The following TPX2 variants were observed in gnomAD, a reference collection of about 807,000 sequenced individuals.
TPX2 encodes TPX2 microtubule nucleation factor, also known as targeting protein for Xklp2.
Under a neutral mutation model 93.6 loss-of-function variants are expected in TPX2, and 21 were observed. That is an observed-to-expected ratio of 0.22 (90% CI 0.16 to 0.32). TPX2 has a LOEUF of 0.32. TPX2 is among the 10% of genes least tolerant of loss of function. TPX2 has a pLI of 1.00. For synonymous variants in TPX2, 281 were observed against 298.3 expected (o/e 0.94, Z 0.60); for missense variants, 776 against 871.1 (o/e 0.89, Z 1.37).
chr20:31,760,117 A>G lies in TPX2; in HGVS notation c.167A>G (p.Gln56Arg). 1 of 1,613,922 alleles carries G rather than the reference A, an allele frequency of 6.2e-7. No homozygotes were observed. The highest frequency in any genetic ancestry group is 8.5e-7 in the Non-Finnish European group (1 of 1,179,940). The change falls in exon 4 of 18, where the codon CAG becomes CGG. Residue 56 changes from glutamine to arginine, a missense_variant. Coordinates refer to ENST00000300403, the MANE Select transcript of TPX2 (RefSeq NM_012112.5). The stretch of plus-strand genomic sequence containing the variant: ...AAGAATGGAACTGGAGGGCTTTTTC[A>G]GGGCAAAACTCCTTTGAGAAAGGCT... Reference protein sequence around the residue: ...LGKNGTGGLFQGKTPLRKANL... With the variant: ...LGKNGTGGLFRGKTPLRKANL...
intron 2 of TPX2, among the ~76,000 whole-genome samples, chr20:31,750,668 A>G (rs1020611279): frequency 2.0e-5 from 3 of 152,108 alleles, no homozygotes; most frequent in Non-Finnish European, 1.5e-5. Flanking sequence ...GGGTTTCACC[A>G]TGTTGGCCAG....
At position 31,794,143 on chromosome 20, in the gene TPX2, C is replaced by T. The variant is rs1374709391; in HGVS notation, c.1686+119C>T. ...ACTTCTTTTGATCTTTCTAAGAACC[C>T]TATAAAATATAAATGGGACAAGTAA... On this transcript the variant is annotated intron_variant, in intron 14 of 17. Transcript: ENST00000300403. The T allele has an allele frequency of 1.4e-5, 16 of 1,184,144 alleles. No individual in the cohort carries two copies. The East Asian group carries it at 3.8e-4, about 28-fold the overall frequency. The allele number at this position is 1,184,144 out of a possible 1,614,324, so 73.4% of individuals were successfully genotyped here. A position where few individuals can be genotyped will look rare whatever the true frequency, so the allele number is the denominator to read the frequency against.
chr20:31,781,840 G>A (rs936204618), intron 10 of TPX2, among the ~76,000 whole-genome samples: 1 of 151,982 alleles, frequency 6.6e-6, no homozygotes, highest in East Asian at 2.0e-4. Flanking sequence ...CTGCTTGGGA[G>A]GCTGAGGTGG....
chr20:31,794,527 G>C lies in TPX2; in HGVS notation c.1812G>C (p.Lys604Asn). Residue 604 changes from lysine (K) to asparagine (N), a missense_variant, in exon 15 of 18, where the codon AAG (lysine) becomes AAC (asparagine). Around this residue, in one of 3 missense-constraint regions of TPX2, gnomAD observed 461 missense variants for 551.2 expected, o/e 0.84. Coordinates refer to ENST00000300403, the MANE Select transcript of TPX2 (RefSeq NM_012112.5). ...CLETDRRGAL[K>N]AQTWKHQLEE... Reference sequence around the variant, plus strand: ...AGACTGACAGAAGAGGTGCTCTGAAGGCACAGACTTGGAAGCACCAGGTAG... The same window carrying C: ...AGACTGACAGAAGAGGTGCTCTGAACGCACAGACTTGGAAGCACCAGGTAG... 6.2e-7 allele frequency: 1 copy of C among 1,613,972 alleles called. No homozygotes were observed. Among genetic ancestry groups the C allele is most frequent in the East Asian group, 2.2e-5 (1 of 44,866 alleles).
intron 11 of TPX2, 42 bp from the exon 12 acceptor site, chr20:31,783,663 A>G: frequency 6.4e-7 from 1 of 1,564,790 alleles, no homozygotes; most frequent in Non-Finnish European, 8.6e-7. Context: ...TTTTCATTTT[A>G]TTAAAATTTT....
At chr20:31,761,039 A>G (rs1181915080) in intron 4 of TPX2, among the ~76,000 whole-genome samples, 1 of 152,190 alleles carries the variant, frequency 6.6e-6, no homozygotes, top group Non-Finnish European at 1.5e-5. Flanking sequence ...CACTTAAGAT[A>G]AACATTTCAG....
rs537128205 is a variant in TPX2, at chr20:31,741,503, G to A, written c.-177-1038G>A. 1.1e-4 allele frequency among the ~76,000 whole-genome samples: 16 copies of A among 151,628 alleles called. No individual in the cohort carries two copies. The East Asian group carries it at 1.2e-3, about 11-fold the overall frequency. On this transcript the variant is annotated intron_variant, in intron 1 of 17. Coordinates refer to ENST00000300403, the MANE Select transcript of TPX2 (RefSeq NM_012112.5). ...ATTTTTGTATTTTTTTTTTGAGATG[G>A]CATCTCACTTTGTTACCTAGGCTGG...
rs764125026 is a variant in TPX2 at position 31,800,952 on chromosome 20, CT to C, written c.2134-14del. 2 of 1,604,420 alleles carry C rather than the reference CT, an allele frequency of 1.2e-6. No homozygotes were observed. Among genetic ancestry groups the C allele is most frequent in the South Asian group, 2.2e-5 (2 of 90,776 alleles). ...TCTCTGACATCCCTCTCACTGGTAA[CT>C]TTTCCTTACTTTGCAGGTGCATAAG... On this transcript the variant is annotated splice_polypyrimidine_tract_variant and intron_variant, in intron 17 of 17. Coordinates refer to ENST00000300403, the MANE Select transcript of TPX2 (RefSeq NM_012112.5).
intron 2 of TPX2, among the ~76,000 whole-genome samples, chr20:31,750,896 TTTG>T (rs540926106): frequency 5.9e-5 from 9 of 152,016 alleles, no homozygotes; most frequent in South Asian, 2.1e-4. Flanking sequence ...GCTTAACTAT[TTTG>T]TTGTTGTTGT....
At chr20:31,746,669 C>A (rs537395289) in intron 2 of TPX2, among the ~76,000 whole-genome samples, 1 of 152,310 alleles carries the variant, frequency 6.6e-6, no homozygotes, top group Non-Finnish European at 1.5e-5. Context: ...TCCCCTATTT[C>A]ACCCTGCTTA....
At chr20:31,751,375 T>C (rs2061818578) in intron 2 of TPX2, among the ~76,000 whole-genome samples, 1 of 152,052 alleles carries the variant, frequency 6.6e-6, no homozygotes, top group African/African-American at 2.4e-5. Flanking sequence ...ATTAAGATCA[T>C]GGGAATCCAA....
intron 5 of TPX2, among the ~76,000 whole-genome samples, chr20:31,768,899 C>G (rs1044695703): frequency 6.6e-6 from 1 of 152,138 alleles, no homozygotes; most frequent in Non-Finnish European, 1.5e-5. Context: ...ACCCAGCAAT[C>G]TTATTTTTTT....
At chr20:31,746,359 G>C (rs769827035) in intron 2 of TPX2, among the ~76,000 whole-genome samples, 48 of 152,142 alleles carry the variant, frequency 3.2e-4, no homozygotes, top group Non-Finnish European at 2.9e-5. Context: ...TTTTCTCTCT[G>C]GGTAAGATGA....
At chr20:31,782,224 G>C in intron 10 of TPX2, 25 bp from the exon 11 acceptor site, 1 of 1,590,640 alleles carries the variant, frequency 6.3e-7, no homozygotes, top group Admixed American at 1.8e-5. Flanking sequence ...GGATCTAGAT[G>C]AACATCTGTC....
At chr20:31,798,313 G>A in intron 16 of TPX2, 52 bp from the exon 17 acceptor site, 1 of 1,611,306 alleles carries the variant, frequency 6.2e-7, no homozygotes, top group Non-Finnish European at 8.5e-7. Flanking sequence ...GGGGGCGTAG[G>A]TTTATGCAAG....
At chr20:31,796,771 A>G (rs886963841) in intron 15 of TPX2, among the ~76,000 whole-genome samples, 2 of 151,606 alleles carry the variant, frequency 1.3e-5, no homozygotes, top group Non-Finnish European at 2.9e-5. Flanking sequence ...CTAATGAATC[A>G]TGTGTGAAGG....
intron 4 of TPX2, among the ~76,000 whole-genome samples, chr20:31,763,017 A>G (rs1313458967): frequency 6.6e-6 from 1 of 152,176 alleles, no homozygotes; most frequent in East Asian, 1.9e-4. Flanking sequence ...TCTCTATCCT[A>G]TTCCATTTGT....
intron 2 of TPX2, among the ~76,000 whole-genome samples, chr20:31,745,450 C>T (rs2061778289): frequency 6.6e-6 from 1 of 151,846 alleles, no homozygotes; most frequent in Admixed American, 6.6e-5. Context: ...CTGCCTCAGC[C>T]TCCCGAGTAG....
In TPX2 at chr20:31,760,196, G is replaced by A; in HGVS notation, c.229+17G>A. 2 of 1,611,552 alleles carry A rather than the reference G, an allele frequency of 1.2e-6. No individual in the cohort carries two copies. Among genetic ancestry groups the A allele is most frequent in the Admixed American group, 1.7e-5 (1 of 59,386 alleles). On this transcript the variant is annotated intron_variant, in intron 4 of 17. Coordinates refer to ENST00000300403, the MANE Select transcript of TPX2 (RefSeq NM_012112.5). ...TGAAACCAGGTAAGAAAACATCTTA[G>A]AAAAAAGCTCCTTGATAGAATGGTG...
Sources: allele counts gnomAD v4.1 joint callset (sites outside exome capture counted in the v4.1 genomes callset), GRCh38; gene constraint gnomAD v4.1.1; regional missense constraint gnomAD v4.1.1; transcripts MANE v1.5; gene names NCBI Gene and HGNC (gene_info 2026-07-23, HGNC 2026-07-21).